The following PLCE1 variants were observed in gnomAD, a reference collection of about 807,000 sequenced individuals.
PLCE1 encodes phospholipase C epsilon 1.
PLCE1 carries 119 observed loss-of-function variants against 242.8 expected under a neutral mutation model. The observed-to-expected ratio is 0.49, with a 90% confidence interval of 0.42 to 0.57. The LOEUF is 0.57. Among genes scored for constraint, PLCE1 ranks in the 20% least tolerant of loss-of-function variants. The pLI is 0.00. For missense variants in PLCE1, 2,441 were observed against 2,788.8 expected (o/e 0.88, Z 2.81); for synonymous variants, 945 against 1,017.4 (o/e 0.93, Z 1.35).
intron 11 of PLCE1, among the ~76,000 whole-genome samples, chr10:94,257,826 C>T (rs11187835): frequency 0.042 from 6,455 of 152,076 alleles, 206 homozygotes; most frequent in Non-Finnish European, 0.067. Context: ...ATGTAAAGGA[C>T]GAGTTAATGG....
At chr10:94,001,071 A>T (rs1347532233) in intron 1 of PLCE1, among the ~76,000 whole-genome samples, 1 of 152,222 alleles carries the variant, frequency 6.6e-6, no homozygotes, top group Non-Finnish European at 1.5e-5. Context: ...AAAGGCTCAT[A>T]GGTCTGCCCT....
At chr10:94,208,667 C>G (rs2049241579) in intron 4 of PLCE1, among the ~76,000 whole-genome samples, 2 of 152,144 alleles carry the variant, frequency 1.3e-5, no homozygotes, top group South Asian at 4.1e-4. Context: ...CTTAGGAAAA[C>G]TTTATGTAAG....
intron 3 of PLCE1, among the ~76,000 whole-genome samples, chr10:94,163,285 G>C (rs1434228329): frequency 1.3e-5 from 2 of 152,164 alleles, no homozygotes; most frequent in Non-Finnish European, 2.9e-5. Context: ...TATTGTGTGG[G>C]AGTCTAAGTC....
intron 4 of PLCE1, among the ~76,000 whole-genome samples, chr10:94,216,391 C>T (rs1204253303): frequency 6.6e-6 from 1 of 152,194 alleles, no homozygotes; most frequent in Non-Finnish European, 1.5e-5. Context: ...TCTTGCTCAT[C>T]ATGTGCTCTA....
At chr10:94,057,968 T>C (rs568535612) in intron 2 of PLCE1, among the ~76,000 whole-genome samples, 67 of 152,320 alleles carry the variant, frequency 4.4e-4, no homozygotes, top group Non-Finnish European at 2.6e-4. Context: ...CCTTTAGTAG[T>C]TGAATACCTA....
At chr10:94,118,596 A>C (rs939501367) in intron 2 of PLCE1, among the ~76,000 whole-genome samples, 1 of 152,208 alleles carries the variant, frequency 6.6e-6, no homozygotes, top group African/African-American at 2.4e-5. Context: ...GTTTCTCTGC[A>C]CAAGCTCTCT....
intron 1 of PLCE1, among the ~76,000 whole-genome samples, chr10:94,022,244 C>T (rs1322078306): frequency 6.6e-6 from 1 of 151,810 alleles, no homozygotes; most frequent in Non-Finnish European, 1.5e-5. Flanking sequence ...TGTGTATTAG[C>T]AACAACCAAC....
rs1229833786 is a variant in PLCE1 at position 94,094,845 on chromosome 10, G to A, written c.1207-37329G>A. On this transcript the variant is annotated intron_variant, in intron 2 of 32. Coordinates refer to ENST00000371380, the MANE Select transcript of PLCE1 (RefSeq NM_016341.4). ...AGGCTTAGTGGTCTCGGGTGCAAAA[G>A]GGGAGGAAATCGATATCTAATTCCA... The A allele has an allele frequency of 3.9e-5, 6 of 152,274 alleles. No homozygotes were observed. In the East Asian group the frequency reaches 1.2e-3, roughly 29 times the overall value. The allele number at this position is 152,274 out of a possible 1,614,324, so 9.4% of individuals were successfully genotyped here.
chr10:94,193,562 C>T (rs1292670585), intron 4 of PLCE1, among the ~76,000 whole-genome samples: 1 of 152,148 alleles, frequency 6.6e-6, no homozygotes, highest in Non-Finnish European at 1.5e-5. Flanking sequence ...AGGGGATTTT[C>T]TGAATGTTCT....
chr10:94,229,205 A>C (rs539443415), intron 5 of PLCE1, among the ~76,000 whole-genome samples: 107 of 151,636 alleles, frequency 7.1e-4, no homozygotes, highest in African/African-American at 2.6e-3. Flanking sequence ...AACAAACAAA[A>C]AAAAACAGAA....
chr10:93,995,162 A>G (rs971804737), intron 1 of PLCE1, among the ~76,000 whole-genome samples: 3 of 152,216 alleles, frequency 2.0e-5, no homozygotes, highest in Non-Finnish European at 4.4e-5. Context: ...GGGAGGTGGA[A>G]GCAGGTGACC....
chr10:94,098,779 C>T (rs961215355), intron 2 of PLCE1, among the ~76,000 whole-genome samples: 3 of 152,216 alleles, frequency 2.0e-5, no homozygotes, highest in African/African-American at 4.8e-5. Flanking sequence ...TTACTTCTTA[C>T]GAATACAACA....
chr10:94,268,146 C>T (rs2133093484), intron 16 of PLCE1, among the ~76,000 whole-genome samples: 1 of 152,306 alleles, frequency 6.6e-6, no homozygotes, highest in South Asian at 2.1e-4. Flanking sequence ...ATGTATTGAG[C>T]TCTGCTTCCC....
At chr10:94,115,805 C>T (rs1195962100) in intron 2 of PLCE1, among the ~76,000 whole-genome samples, 1 of 152,180 alleles carries the variant, frequency 6.6e-6, no homozygotes, top group East Asian at 1.9e-4. Flanking sequence ...TCAGCCTGTT[C>T]CCAGTGACTG....
chr10:94,239,459 T>C, intron 7 of PLCE1, among the ~76,000 whole-genome samples: 1 of 152,218 alleles, frequency 6.6e-6, no homozygotes, highest in South Asian at 2.1e-4. Context: ...CCACCATGAT[T>C]GTAAGTTTCC....
chr10:94,075,343 T>A (rs1449604083), intron 2 of PLCE1, among the ~76,000 whole-genome samples: 1 of 152,226 alleles, frequency 6.6e-6, no homozygotes, highest in Non-Finnish European at 1.5e-5. Context: ...ATGATTGACA[T>A]CAATAAGACA....
chr10:94,122,182 A>G (rs2046319915), intron 2 of PLCE1, among the ~76,000 whole-genome samples: 1 of 152,176 alleles, frequency 6.6e-6, no homozygotes, highest in Non-Finnish European at 1.5e-5. Flanking sequence ...ATCACAGTCT[A>G]CGGGATTTGT....
chr10:94,152,323 ACATC>A (rs2047300955), intron 3 of PLCE1, among the ~76,000 whole-genome samples: 1 of 152,262 alleles, frequency 6.6e-6, no homozygotes, highest in South Asian at 2.1e-4. Flanking sequence ...TAGATTAGAT[ACATC>A]GCATAGGTGG....
At position 94,236,058 on chromosome 10, in the gene PLCE1, G is replaced by T. The variant is rs1469051094; in HGVS notation, c.2358G>T (p.Glu786Asp). The change falls in exon 7 of 33, where the codon GAG (glutamate) becomes GAT (aspartate). Residue 786 changes from glutamate (E) to aspartate (D), a missense_variant. Physicochemically the swap from Glu to Asp is conservative, Grantham distance 45. Coordinates refer to ENST00000371380, the MANE Select transcript of PLCE1 (RefSeq NM_016341.4). ...ATCGAAGTCTGGAGACAGACGAGGA[G>T]GACAGCCCCAGTGAAGGAAACAGCT... The part of the protein sequence containing the change: ...SCNRSLETDE[E>D]DSPSEGNSSR... 1 of 1,614,072 alleles carries T rather than the reference G, an allele frequency of 6.2e-7. No homozygotes were observed. Among genetic ancestry groups the T allele is most frequent in the Non-Finnish European group, 8.5e-7 (1 of 1,179,988 alleles).
Sources: allele counts gnomAD v4.1 joint callset (sites outside exome capture counted in the v4.1 genomes callset), GRCh38; gene constraint gnomAD v4.1.1; transcripts MANE v1.5; gene names NCBI Gene and HGNC (gene_info 2026-07-23, HGNC 2026-07-21).